The following CRLS1 variants were observed in gnomAD, a reference collection of about 807,000 sequenced individuals.
The protein encoded by CRLS1 is cardiolipin synthase 1, also known as cardiolipin synthase (CMP-forming).
CRLS1 carries 24 observed loss-of-function variants against 37.0 expected under a neutral mutation model. The ratio of observed to expected loss-of-function variants is 0.65; its 90% CI spans 0.47 to 0.91. The LOEUF (loss-of-function observed/expected upper bound fraction) is 0.91, where lower values mean the gene tolerates loss of function less well. CRLS1 is among the 40% of genes least tolerant of loss of function. CRLS1 has a pLI of 0.00. For missense variants in CRLS1, 373 were observed against 395.8 expected, an observed-to-expected ratio of 0.94 and a Z score of 0.49; for synonymous variants, 135 against 159.7, an observed-to-expected ratio of 0.85 and a Z score of 1.17.
Position 6,038,941 on chromosome 20 carries a change from G to A in CRLS1, c.*1783G>A, listed in dbSNP as rs758022461. ...TCCTCAGGCTTTTGGATACTGAATT[G>A]TTATAAAACACATCAATTCTGCCAG... On this transcript the variant is annotated 3_prime_UTR_variant, in exon 7 of 7. Coordinates refer to ENST00000378863, the MANE Select transcript of CRLS1 (RefSeq NM_019095.6). 2.0e-5 allele frequency: 3 copies of A among 152,144 alleles called. No homozygotes were observed. Among genetic ancestry groups the A allele is most frequent in the African/African-American group, 7.2e-5 (3 of 41,422 alleles). The allele number at this position is 152,144 out of a possible 1,614,324, so 9.4% of individuals were successfully genotyped here.
chr20:6,007,126 T>C (rs967167431), intron 1 of CRLS1: 2 of 762,552 alleles, frequency 2.6e-6, no homozygotes, highest in Non-Finnish European at 3.8e-6. Context: ...CCTGTTGATA[T>C]GCTACCCAGA....
At chr20:6,011,572 CTTTTTTTTTTT>C (rs559511975) in intron 2 of CRLS1, among the ~76,000 whole-genome samples, 409 of 27,836 alleles carry the variant, frequency 0.015, 4 homozygotes, top group East Asian at 0.069. Flanking sequence ...TTTGTCCCTG[CTTTTTTTTTTT>C]TTTTTTTTTT....
rs2090060282 is a variant in CRLS1 at position 6,006,651 on chromosome 20, G to T, written c.306+99G>T. The T allele has an allele frequency of 4.9e-6, 6 of 1,213,136 alleles. No homozygotes were observed. The South Asian group carries it at 1.3e-4, about 25-fold the overall frequency. The allele number at this position is 1,213,136 out of a possible 1,614,324, so 75.1% of individuals were successfully genotyped here. A position where few individuals can be genotyped will look rare whatever the true frequency, so the allele number is the denominator to read the frequency against. ...TGGGTGGTGCAGCTCGGACGCTTCC[G>T]TTTCCTAACTTTTAGACTCTTCCCT... is the stretch of plus-strand genomic sequence containing the variant. On this transcript the variant is annotated intron_variant, in intron 1 of 6. Coordinates refer to ENST00000378863, the MANE Select transcript of CRLS1 (RefSeq NM_019095.6).
chr20:6,020,213 C>G (rs896498399), intron 3 of CRLS1, among the ~76,000 whole-genome samples: 1 of 152,068 alleles, frequency 6.6e-6, no homozygotes, highest in Admixed American at 6.6e-5. Context: ...AAGTGGATAC[C>G]TAACTTGTTT....
chr20:6,027,635 G>A (rs774552141), intron 3 of CRLS1, among the ~76,000 whole-genome samples: 24 of 151,794 alleles, frequency 1.6e-4, no homozygotes, highest in Non-Finnish European at 1.3e-4. Context: ...GGCTGGTCTC[G>A]AACTCTTGGC....
Position 6,038,837 on chromosome 20 carries a change from CTT to C in CRLS1, c.*1683_*1684del, listed in dbSNP as rs1159420969. The C allele has an allele frequency of 6.6e-6, 1 of 152,176 alleles. No homozygotes were observed. Among genetic ancestry groups the C allele is most frequent in the Non-Finnish European group, 1.5e-5 (1 of 68,036 alleles). 9.4% of individuals were successfully genotyped at this position (152,176 alleles called of 1,614,324 possible). A position where few individuals can be genotyped will look rare whatever the true frequency, so the allele number is the denominator to read the frequency against. ...AGTGACCTATGGGTTGGACCCATATCTTTTTATTATTAAGGTCTCAATCTGGC... is the reference window on the plus strand; with the variant it reads ...AGTGACCTATGGGTTGGACCCATATCTTTATTATTAAGGTCTCAATCTGGC... On this transcript the variant is annotated 3_prime_UTR_variant, in exon 7 of 7. Coordinates refer to ENST00000378863, the MANE Select transcript of CRLS1 (RefSeq NM_019095.6).
chr20:6,005,967 T>C, upstream of CRLS1: 1 of 289,906 alleles, frequency 3.4e-6, no homozygotes, highest in Non-Finnish European at 6.4e-6. Context: ...TACCCGCTGC[T>C]TCCCAAAACC....
rs1349086478 is a variant in CRLS1 at position 6,039,255 on chromosome 20, TTTTG to T, written c.*2103_*2106del. On this transcript the variant is annotated 3_prime_UTR_variant, in exon 7 of 7. Coordinates refer to ENST00000378863, the MANE Select transcript of CRLS1 (RefSeq NM_019095.6). ...GGTGCACACCAACTGTGCTTTGCAG[TTTTG>T]TTTGTGTGTGTGTGTGTGTGTGTGT... is the stretch of plus-strand genomic sequence containing the variant. The T allele has an allele frequency of 7.2e-6, 1 of 138,682 alleles. No homozygotes were observed. The allele number at this position is 138,682 out of a possible 1,614,324, so 8.6% of individuals were successfully genotyped here.
At position 6,020,541 on chromosome 20, in the gene CRLS1, TTGAAA is replaced by T. The variant is rs573802563; in HGVS notation, c.574+5056_574+5060del. 3.6e-3 allele frequency among the ~76,000 whole-genome samples: 549 copies of T among 152,296 alleles called. 3 individuals carry two copies. The highest frequency in any genetic ancestry group is 0.012 in the African/African-American group (516 of 41,568). The stretch of plus-strand genomic sequence containing the variant: ...GATTTTATAAATATTCCATGAATAC[TTGAAA>T]TGAATTGAAATGAATGTATATTCTG... On this transcript the variant is annotated intron_variant, in intron 3 of 6. Transcript: ENST00000378863.
chr20:6,016,491 G>A (rs1488458715), intron 3 of CRLS1, among the ~76,000 whole-genome samples: 1 of 151,390 alleles, frequency 6.6e-6, no homozygotes, highest in African/African-American at 2.4e-5. Context: ...TCTTGCCTAG[G>A]CTGGTCTCGA....
chr20:6,019,861 A>G (rs1248601114), intron 3 of CRLS1, among the ~76,000 whole-genome samples: 6 of 151,698 alleles, frequency 4.0e-5, no homozygotes, highest in African/African-American at 1.5e-4. Flanking sequence ...ACGGAGTTTC[A>G]CCATGTTGGC....
At chr20:6,023,601 C>G (rs993860829) in intron 3 of CRLS1, among the ~76,000 whole-genome samples, 3 of 151,454 alleles carry the variant, frequency 2.0e-5, no homozygotes, top group African/African-American at 7.3e-5. Flanking sequence ...TGGATTGATT[C>G]TCTTTTTATC....
At position 6,039,408 on chromosome 20, in the gene CRLS1, T is replaced by G. The variant is rs2123044607; in HGVS notation, c.*2250T>G. 1 of 152,242 alleles carries G rather than the reference T, an allele frequency of 6.6e-6. No individual in the cohort carries two copies. The highest frequency in any genetic ancestry group is 2.1e-4 in the South Asian group (1 of 4,818). The allele number at this position is 152,242 out of a possible 1,614,324, so 9.4% of individuals were successfully genotyped here. A position where few individuals can be genotyped will look rare whatever the true frequency, so the allele number is the denominator to read the frequency against. ...TTTAGGCCAATTCTTTTAGTTACAT[T>G]TATGATGAAACTAGGGATCTACCTT... is the stretch of plus-strand genomic sequence containing the variant. On this transcript the variant is annotated 3_prime_UTR_variant, in exon 7 of 7. Coordinates refer to ENST00000378863, the MANE Select transcript of CRLS1 (RefSeq NM_019095.6).
At chr20:6,032,633 T>C (rs1258747329) in intron 5 of CRLS1, among the ~76,000 whole-genome samples, 1 of 152,174 alleles carries the variant, frequency 6.6e-6, no homozygotes, top group East Asian at 1.9e-4. Flanking sequence ...GATAGGAAAA[T>C]AGGAAAAAGT....
At chr20:6,007,871 A>G (rs1447527553) in intron 1 of CRLS1, among the ~76,000 whole-genome samples, 1 of 152,216 alleles carries the variant, frequency 6.6e-6, no homozygotes, top group Admixed American at 6.5e-5. Context: ...TTTTCATTGT[A>G]TAATGTGGAT....
chr20:6,006,155 T>A lies in CRLS1; in HGVS notation c.-92T>A. 1 of 624,126 alleles carries A rather than the reference T, an allele frequency of 1.6e-6. No homozygotes were observed. Among genetic ancestry groups the A allele is most frequent in the Non-Finnish European group, 2.3e-6 (1 of 440,384 alleles). 38.7% of individuals were successfully genotyped at this position (624,126 alleles called of 1,614,324 possible). A position where few individuals can be genotyped will look rare whatever the true frequency, so the allele number is the denominator to read the frequency against. On this transcript the variant is annotated 5_prime_UTR_variant, in exon 1 of 7. Coordinates refer to ENST00000378863, the MANE Select transcript of CRLS1 (RefSeq NM_019095.6). ...AGGCAGCGGTAGCCCAGTGTCTGAG[T>A]GGTTGCCGGGTCTCCATGGAGAAGC...
chr20:6,008,634 C>T (rs1309246207), intron 1 of CRLS1, among the ~76,000 whole-genome samples: 4 of 152,218 alleles, frequency 2.6e-5, no homozygotes, highest in Non-Finnish European at 4.4e-5. Context: ...CACAATTTCT[C>T]GATTTCCAAA....
chr20:6,011,774 T>A (rs760075439), intron 2 of CRLS1, among the ~76,000 whole-genome samples: 1 of 150,984 alleles, frequency 6.6e-6, no homozygotes, highest in African/African-American at 2.4e-5. Flanking sequence ...TTAGTAGATA[T>A]GGGGTTTCAT....
intron 5 of CRLS1, among the ~76,000 whole-genome samples, chr20:6,034,001 A>G (rs6038333): frequency 0.19 from 29,531 of 152,180 alleles, 3,245 homozygotes; most frequent in African/African-American, 0.28. Flanking sequence ...GTAGGCAAGA[A>G]AGGAGCATCG....
Sources: gnomAD v4.1 joint callset for allele counts (sites outside exome capture counted in the v4.1 genomes callset) on GRCh38, gnomAD v4.1.1 for gene constraint, MANE v1.5 for transcripts, NCBI Gene and HGNC (gene_info 2026-07-23, HGNC 2026-07-21) for gene names.